The following VPS8 variants were observed in gnomAD, a reference collection of about 807,000 sequenced individuals.
VPS8 encodes the protein vacuolar protein sorting-associated protein 8 homolog.
Under a neutral mutation model 216.4 loss-of-function variants are expected in VPS8, and 129 were observed. That is an observed-to-expected ratio of 0.60 (90% CI 0.52 to 0.69). VPS8 has a LOEUF of 0.69. Ranked by LOEUF, VPS8 falls within the 30% of genes least tolerant of loss-of-function variation. The pLI is 0.00. For missense variants in VPS8, 1,531 were observed against 1,683.5 expected (o/e 0.91, Z 1.59); for synonymous variants, 571 against 565.4 (o/e 1.01, Z -0.14).
At chr3:185,001,876 C>T (rs1295102410) in intron 45 of VPS8, among the ~76,000 whole-genome samples, 1 of 152,056 alleles carries the variant, frequency 6.6e-6, no homozygotes, top group Non-Finnish European at 1.5e-5. Context: ...AAGACAAAGG[C>T]CAAATATATG....
rs942459247 is a variant in VPS8 at position 185,006,865 on chromosome 3, C to T, written c.4002+7004C>T. Among the ~76,000 whole-genome samples, 11 of 152,010 alleles carry T rather than the reference C, an allele frequency of 7.2e-5. 1 individual carries two copies. Among genetic ancestry groups the T allele is most frequent in the African/African-American group, 2.7e-4 (11 of 41,394 alleles). On this transcript the variant is annotated intron_variant, in intron 45 of 47. Transcript: ENST00000625842. ...CAAATGCAGTCCTTTTGTTTCATCT[C>T]TTTCCAAGACTTGAGATAATTAACT...
At chr3:185,009,145 A>G in intron 45 of VPS8, among the ~76,000 whole-genome samples, 1 of 152,232 alleles carries the variant, frequency 6.6e-6, no homozygotes, top group Non-Finnish European at 1.5e-5. Context: ...CCTTTGATGC[A>G]GAAAAATCTT....
intron 33 of VPS8, among the ~76,000 whole-genome samples, chr3:184,930,115 G>A (rs1740424442): frequency 6.6e-6 from 1 of 152,160 alleles, no homozygotes; most frequent in African/African-American, 2.4e-5. Flanking sequence ...TATAGATGAA[G>A]TGAAAATCAG....
At chr3:184,878,308 G>A (rs1188401301) in intron 21 of VPS8, among the ~76,000 whole-genome samples, 1 of 151,876 alleles carries the variant, frequency 6.6e-6, no homozygotes, top group Non-Finnish European at 1.5e-5. Context: ...ATGGGGTTTC[G>A]CCATGTTGGC....
At chr3:184,812,892 A>G (rs201830073) in intron 1 of VPS8, 2 of 151,990 alleles carry the variant, frequency 1.3e-5, no homozygotes, top group Non-Finnish European at 2.9e-5. Context: ...TGGGGTGTCC[A>G]CCTCTTAGGA....
At chr3:185,003,307 G>A (rs1342466950) in intron 45 of VPS8, among the ~76,000 whole-genome samples, 18 of 145,384 alleles carry the variant, frequency 1.2e-4, no homozygotes, top group Non-Finnish European at 1.8e-4. Flanking sequence ...GCGGCCTTCC[G>A]CAGTGTTTGT....
At chr3:184,952,188 A>T (rs899418042) in intron 36 of VPS8, among the ~76,000 whole-genome samples, 1 of 152,248 alleles carries the variant, frequency 6.6e-6, no homozygotes, top group Non-Finnish European at 1.5e-5. Flanking sequence ...ATGTGGGGAA[A>T]CATTGGTTAA....
intron 45 of VPS8, among the ~76,000 whole-genome samples, chr3:185,011,065 A>G (rs1487686104): frequency 6.6e-6 from 1 of 152,018 alleles, no homozygotes; most frequent in Admixed American, 6.6e-5. Context: ...TCAAGTGGCC[A>G]AATATACATC....
intron 15 of VPS8, among the ~76,000 whole-genome samples, chr3:184,862,033 A>G (rs994507656): frequency 2.0e-5 from 3 of 152,204 alleles, no homozygotes; most frequent in South Asian, 2.1e-4. Context: ...ATACAGTAAT[A>G]GAGTGTATTT....
At chr3:184,967,432 A>G (rs1325114711) in intron 39 of VPS8, among the ~76,000 whole-genome samples, 2 of 152,232 alleles carry the variant, frequency 1.3e-5, no homozygotes, top group Non-Finnish European at 1.5e-5. Flanking sequence ...GAATTTATAC[A>G]GTTTTAACCC....
At chr3:184,966,374 A>G (rs536572126) in intron 38 of VPS8, among the ~76,000 whole-genome samples, 2 of 152,326 alleles carry the variant, frequency 1.3e-5, no homozygotes, top group South Asian at 2.1e-4. Context: ...GGAGGAATCA[A>G]ATATCCAAAC....
chr3:185,034,609 TTTGTTG>T (rs71632042), intron 46 of VPS8, among the ~76,000 whole-genome samples: 8,094 of 145,504 alleles, frequency 0.056, 715 homozygotes, highest in African/African-American at 0.2. Context: ...CGTTGATAGT[TTTGTTG>T]TTGTTGTTGT....
At chr3:184,925,939 A>G (rs1379633302) in intron 30 of VPS8, among the ~76,000 whole-genome samples, 1 of 150,760 alleles carries the variant, frequency 6.6e-6, no homozygotes, top group African/African-American at 2.4e-5. Context: ...ACGCCCGGCT[A>G]ATTTCTTGTA....
At chr3:184,858,620 A>G (rs965506706) in intron 14 of VPS8, among the ~76,000 whole-genome samples, 2 of 152,244 alleles carry the variant, frequency 1.3e-5, no homozygotes, top group African/African-American at 4.8e-5. Flanking sequence ...AGCAATGAGC[A>G]GGAACATGGT....
At chr3:184,859,509 G>A (rs1339361605) in intron 14 of VPS8, among the ~76,000 whole-genome samples, 1 of 152,076 alleles carries the variant, frequency 6.6e-6, no homozygotes, top group East Asian at 1.9e-4. Context: ...CAATTTTTGA[G>A]ATCCATGCAT....
At chr3:185,016,298 T>A (rs1755782955) in intron 45 of VPS8, among the ~76,000 whole-genome samples, 1 of 152,204 alleles carries the variant, frequency 6.6e-6, no homozygotes, top group Admixed American at 6.5e-5. Context: ...GAAGCTATAG[T>A]TAAACCAGTG....
intron 40 of VPS8, among the ~76,000 whole-genome samples, chr3:184,977,906 GTC>G: frequency 8.9e-6 from 1 of 112,636 alleles, no homozygotes; most frequent in South Asian, 2.7e-4. Flanking sequence ...TTTTTATTGT[GTC>G]TCTGCCAGGT....
intron 1 of VPS8, among the ~76,000 whole-genome samples, chr3:184,818,701 AT>A (rs1716891916): frequency 6.6e-6 from 1 of 152,188 alleles, no homozygotes; most frequent in Non-Finnish European, 1.5e-5. Context: ...GTTGTACTAT[AT>A]CATGATTTTG....
At chr3:184,871,136 G>C (rs979886317) in intron 21 of VPS8, among the ~76,000 whole-genome samples, 2 of 151,794 alleles carry the variant, frequency 1.3e-5, no homozygotes, top group African/African-American at 4.8e-5. Context: ...AGGTTATTTA[G>C]TACTGCCAAG....
Sources: allele counts gnomAD v4.1 joint callset (sites outside exome capture counted in the v4.1 genomes callset), GRCh38; gene constraint gnomAD v4.1.1; transcripts MANE v1.5; gene names NCBI Gene and HGNC (gene_info 2026-07-23, HGNC 2026-07-21).